Variants in FAM3D observed in about 807,000 individuals in gnomAD.
FAM3D encodes protein FAM3D.
A neutral mutation model predicts 29.8 loss-of-function variants in FAM3D; 26 were observed. The observed-to-expected ratio is 0.87, with a 90% confidence interval of 0.64 to 1.21. FAM3D has a LOEUF of 1.21. Among genes scored for constraint, FAM3D ranks in the 50% most tolerant of loss-of-function variants. The pLI, the probability that FAM3D is intolerant of heterozygous loss-of-function variation, is 0.00. For missense variants in FAM3D, 253 were observed against 290.9 expected (o/e 0.87, Z 0.95); for synonymous variants, 115 against 102.3 (o/e 1.12, Z -0.75).
chr3:58,662,782 G>A (rs926495027), intron 1 of FAM3D, among the ~76,000 whole-genome samples: 1 of 152,176 alleles, frequency 6.6e-6, no homozygotes, highest in Non-Finnish European at 1.5e-5. Flanking sequence ...CCCTTCTCTG[G>A]CTCCAGGGGT....
chr3:58,653,583 T>G, intron 3 of FAM3D, 91 bp downstream of exon 3: 2 of 1,244,012 alleles, frequency 1.6e-6, no homozygotes, highest in Non-Finnish European at 2.3e-6. Context: ...TTGTCATGTC[T>G]CCTGGGTCAC....
intron 7 of FAM3D, among the ~76,000 whole-genome samples, chr3:58,637,951 C>T (rs993923782): frequency 6.6e-6 from 1 of 152,060 alleles, no homozygotes; most frequent in African/African-American, 2.4e-5. Context: ...ATGGCGCGAT[C>T]TGCGCTCATT....
At position 58,642,821 on chromosome 3, in the gene FAM3D, C is replaced by T. The variant is rs79573652; in HGVS notation, c.322+841G>A. ...CTGCTCAAAGCCTTTCCGTGGCTCC[C>T]TACTGCTCTCGGCTTCCAGTCACAC... On this transcript the variant is annotated intron_variant, in intron 6 of 9. Coordinates refer to ENST00000358781, the MANE Select transcript of FAM3D (RefSeq NM_138805.3). 1.1e-3 allele frequency among the ~76,000 whole-genome samples: 161 copies of T among 152,308 alleles called. 1 individual carries two copies. The highest frequency in any genetic ancestry group is 3.4e-3 in the Middle Eastern group (1 of 294).
At position 58,634,128 on chromosome 3, in the gene FAM3D, G is replaced by C; in HGVS notation, c.*151C>G. The C allele has an allele frequency of 1.6e-6, 1 of 637,730 alleles. No individual in the cohort carries two copies. Among genetic ancestry groups the C allele is most frequent in the Non-Finnish European group, 2.7e-6 (1 of 371,994 alleles). 39.5% of individuals were successfully genotyped at this position (637,730 alleles called of 1,614,324 possible). On this transcript the variant is annotated 3_prime_UTR_variant, in exon 10 of 10. Coordinates refer to ENST00000358781, the MANE Select transcript of FAM3D (RefSeq NM_138805.3). The surrounding 1 kb of genome is among the most constrained non-coding windows in gnomAD (Gnocchi z 4.6). ...TGTGCTGTGGGAGGGTTCTGTTTCC[G>C]AGGAGGAGAGGCGCGACACAGCGTG...
chr3:58,662,891 G>T (rs564343659), intron 1 of FAM3D, among the ~76,000 whole-genome samples: 1 of 152,326 alleles, frequency 6.6e-6, no homozygotes, highest in African/African-American at 2.4e-5. Flanking sequence ...GAAGACCAGA[G>T]CCTTCCTAGC....
intron 2 of FAM3D, 43 bp from the exon 3 acceptor site, chr3:58,653,824 AC>A: frequency 6.7e-7 from 1 of 1,494,564 alleles, no homozygotes; most frequent in Non-Finnish European, 9.3e-7. Context: ...CAGAGCCAAG[AC>A]CACATTGCAA....
At chr3:58,654,438 T>G (rs2066731400) in intron 2 of FAM3D, among the ~76,000 whole-genome samples, 1 of 152,218 alleles carries the variant, frequency 6.6e-6, no homozygotes, top group Non-Finnish European at 1.5e-5. Flanking sequence ...GGACTTGCTG[T>G]GCAGCTTCCA....
rs1334134006 is a variant in FAM3D, at chr3:58,635,196, A to G, written c.586-828T>C. ...TCTCTAAAATATATATATACTAGTA[A>G]TAAGTATGTAAGAAGAATAAAATCA... On this transcript the variant is annotated intron_variant, in intron 9 of 9. Coordinates refer to ENST00000358781, the MANE Select transcript of FAM3D (RefSeq NM_138805.3). This position sits in a 1 kb window ranked among gnomAD's most constrained non-coding sequence, Gnocchi z 5.2. 6.6e-6 allele frequency among the ~76,000 whole-genome samples: 1 copy of G among 152,194 alleles called. No homozygotes were observed. Among genetic ancestry groups the G allele is most frequent in the Non-Finnish European group, 1.5e-5 (1 of 68,032 alleles).
chr3:58,636,266 T>C lies in FAM3D; in HGVS notation c.585+28A>G, dbSNP rs373757969. ...CACCCAGCTCCTCATGCATCCTTCA[T>C]AGGGCCGGGTTGTGGCCCAGAACCC... On this transcript the variant is annotated intron_variant, in intron 9 of 9. Coordinates refer to ENST00000358781, the MANE Select transcript of FAM3D (RefSeq NM_138805.3). 36 of 1,607,146 alleles carry C rather than the reference T, an allele frequency of 2.2e-5. No individual in the cohort carries two copies. In the South Asian group the frequency reaches 2.7e-4, roughly 12 times the overall value.
In FAM3D at chr3:58,645,594, G is replaced by A. The variant is rs17059569; in HGVS notation, c.178C>T (p.Pro60Ser). 805 of 1,614,232 alleles carry A rather than the reference G, an allele frequency of 5.0e-4. 16 individuals carry two copies. The East Asian group carries it at 0.013, about 26-fold the overall frequency. Residue 60 changes from proline to serine, a missense_variant, in exon 5 of 10, where the codon CCC becomes TCC. Physicochemically the swap from Pro to Ser is moderately conservative, Grantham distance 74. Coordinates refer to ENST00000358781, the MANE Select transcript of FAM3D (RefSeq NM_138805.3). The stretch of plus-strand genomic sequence containing the variant: ...AACGCAAAGTAGTTGGCTGGGCAGG[G>A]CTTGATGAGGCCACACTTGTACTTT... ...VKKYKCGLIKPCPANYFAFKI... is the reference protein window; with the variant it reads ...VKKYKCGLIKSCPANYFAFKI...
chr3:58,661,524 T>C (rs1337483886), intron 1 of FAM3D, among the ~76,000 whole-genome samples: 2 of 152,178 alleles, frequency 1.3e-5, no homozygotes, highest in Non-Finnish European at 2.9e-5. Context: ...GGCACCCAGG[T>C]CACCCTCAGT....
Position 58,634,177 on chromosome 3 carries a change from G to A in FAM3D, c.*102C>T, listed in dbSNP as rs544014960. Reference sequence around the variant, plus strand: ...TGCAAGGACCTGCAGCACCTTCCACGCAGCACCCCCTGCTCCTCCTCCTCA... The same window carrying A: ...TGCAAGGACCTGCAGCACCTTCCACACAGCACCCCCTGCTCCTCCTCCTCA... On this transcript the variant is annotated 3_prime_UTR_variant, in exon 10 of 10. Transcript: ENST00000358781. This position sits in a 1 kb window ranked among gnomAD's most constrained non-coding sequence, Gnocchi z 4.6. The A allele has an allele frequency of 5.7e-6, 6 of 1,050,426 alleles. No homozygotes were observed. Among genetic ancestry groups the A allele is most frequent in the African/African-American group, 3.2e-5 (2 of 62,568 alleles). The allele number at this position is 1,050,426 out of a possible 1,614,324, so 65.1% of individuals were successfully genotyped here. A position where few individuals can be genotyped will look rare whatever the true frequency, so the allele number is the denominator to read the frequency against.
Position 58,655,646 on chromosome 3 carries a change from C to A in FAM3D, c.-38-45G>T, listed in dbSNP as rs2066773290. On this transcript the variant is annotated intron_variant, in intron 1 of 9. Coordinates refer to ENST00000358781, the MANE Select transcript of FAM3D (RefSeq NM_138805.3). ...CAGTCGGAAACTGGCATCAGGTCTGCAAGTGATCAAGCCTGAAGATGAGGG... is the reference window on the plus strand; with the variant it reads ...CAGTCGGAAACTGGCATCAGGTCTGAAAGTGATCAAGCCTGAAGATGAGGG... 8.6e-6 allele frequency: 13 copies of A among 1,509,622 alleles called. No homozygotes were observed. The South Asian group carries it at 1.2e-4, about 14-fold the overall frequency. 93.5% of individuals were successfully genotyped at this position (1,509,622 alleles called of 1,614,324 possible).
chr3:58,642,985 C>T (rs2066375947), intron 6 of FAM3D, among the ~76,000 whole-genome samples: 1 of 152,212 alleles, frequency 6.6e-6, no homozygotes, highest in African/African-American at 2.4e-5. Flanking sequence ...CTGGAAAGAG[C>T]CTTCCCCAAT....
chr3:58,666,087 T>A (rs2067024621), intron 1 of FAM3D, among the ~76,000 whole-genome samples: 1 of 152,232 alleles, frequency 6.6e-6, no homozygotes, highest in South Asian at 2.1e-4. Context: ...ACAACATTCC[T>A]TTCTTTTTTA....
intron 2 of FAM3D, among the ~76,000 whole-genome samples, 156 bp downstream of exon 2, chr3:58,655,395 G>A (rs1460473335): frequency 6.6e-6 from 1 of 152,206 alleles, no homozygotes; most frequent in Non-Finnish European, 1.5e-5. Flanking sequence ...GAGACAGGAA[G>A]TCGCCTCTTC....
chr3:58,637,295 C>A, intron 7 of FAM3D, 70 bp from the exon 8 acceptor site: 1 of 1,417,164 alleles, frequency 7.1e-7, no homozygotes, highest in Non-Finnish European at 9.7e-7. Context: ...TGCTTGTCTA[C>A]TGCCCCATGA....
At chr3:58,651,316 T>C (rs1455917363) in intron 3 of FAM3D, among the ~76,000 whole-genome samples, 1 of 152,206 alleles carries the variant, frequency 6.6e-6, no homozygotes. Flanking sequence ...AATAATAAAA[T>C]GAGGGTATGT....
Position 58,640,036 on chromosome 3 carries a change from C to T in FAM3D, c.373+91G>A, listed in dbSNP as rs1031384552. ...TCCTGTGGAAAGAAGCACCAGGTAC[C>T]TCGAGCCACCAGGTCCCTTGCCACA... On this transcript the variant is annotated intron_variant, in intron 7 of 9. Transcript: ENST00000358781. The T allele has an allele frequency of 3.5e-6, 5 of 1,420,184 alleles. No homozygotes were observed. The African/African-American group carries it at 7.0e-5, about 20-fold the overall frequency. 88.0% of individuals were successfully genotyped at this position (1,420,184 alleles called of 1,614,324 possible). A position where few individuals can be genotyped will look rare whatever the true frequency, so the allele number is the denominator to read the frequency against.
Sources: gnomAD v4.1 joint callset for allele counts (sites outside exome capture counted in the v4.1 genomes callset) on GRCh38, gnomAD v4.1.1 for gene constraint, Gnocchi (gnomAD v3.1) non-coding constraint, MANE v1.5 for transcripts, NCBI Gene and HGNC (gene_info 2026-07-23, HGNC 2026-07-21) for gene names.